LAMA2: variants seen among roughly 807,000 people sequenced by gnomAD.
The protein encoded by LAMA2 is laminin subunit alpha 2, also known as laminin subunit alpha-2.
A neutral mutation model predicts 364.8 loss-of-function variants in LAMA2; 269 were observed. That is an observed-to-expected ratio of 0.74 (90% CI 0.67 to 0.82). The LOEUF is 0.82. LAMA2 is among the 40% of genes least tolerant of loss of function. The pLI is 0.00. For synonymous variants in LAMA2, 1,379 were observed against 1,370.6 expected (o/e 1.01, Z -0.14); for missense variants, 3,807 against 3,873.2 (o/e 0.98, Z 0.45).
chr6:129,494,171 A>G (rs981866608), intron 58 of LAMA2, among the ~76,000 whole-genome samples: 8 of 152,244 alleles, frequency 5.3e-5, no homozygotes, highest in African/African-American at 1.9e-4. Flanking sequence ...TGTTGTGGTT[A>G]TATTCCATAC....
At chr6:128,948,131 A>G (rs1370439483) in intron 1 of LAMA2, among the ~76,000 whole-genome samples, 1 of 152,048 alleles carries the variant, frequency 6.6e-6, no homozygotes, top group African/African-American at 2.4e-5. Context: ...GAAATTGACA[A>G]TGGGATAGGG....
At chr6:129,180,896 A>G (rs1780884942) in intron 10 of LAMA2, among the ~76,000 whole-genome samples, 1 of 152,020 alleles carries the variant, frequency 6.6e-6, no homozygotes, top group Non-Finnish European at 1.5e-5. Flanking sequence ...TGGAGTTTTA[A>G]TGCCCTCACT....
chr6:129,287,960 G>C lies in LAMA2; in HGVS notation c.2651G>C (p.Gly884Ala). 1 of 1,614,046 alleles carries C rather than the reference G, an allele frequency of 6.2e-7. No individual in the cohort carries two copies. Among genetic ancestry groups the C allele is most frequent in the Non-Finnish European group, 8.5e-7 (1 of 1,179,946 alleles). The change falls in exon 19 of 65, where the codon GGC (glycine) becomes GCC (alanine). Residue 884 changes from glycine to alanine, a missense_variant. Transcript: ENST00000421865. Reference sequence around the variant, plus strand: ...CCTGGCAGCTGTGACAGCTTGTCTGGCTCCTGTCTGATATGTAAACCAGGT... The same window carrying C: ...CCTGGCAGCTGTGACAGCTTGTCTGCCTCCTGTCTGATATGTAAACCAGGT... Reference protein sequence around the residue: ...SIPGSCDSLSGSCLICKPGTT... With the variant: ...SIPGSCDSLSASCLICKPGTT...
intron 12 of LAMA2, among the ~76,000 whole-genome samples, chr6:129,242,592 T>C (rs560696657): frequency 6.6e-6 from 1 of 152,280 alleles, no homozygotes; most frequent in South Asian, 2.1e-4. Flanking sequence ...ATTAGATCAA[T>C]GTTTAATTAT....
chr6:128,993,260 A>G (rs977061874), intron 1 of LAMA2, among the ~76,000 whole-genome samples: 1 of 152,234 alleles, frequency 6.6e-6, no homozygotes, highest in Non-Finnish European at 1.5e-5. Flanking sequence ...ACCAGCAGAA[A>G]GTGGAAAAAT....
intron 34 of LAMA2, among the ~76,000 whole-genome samples, chr6:129,380,440 A>T (rs1778616184): frequency 6.6e-6 from 1 of 152,098 alleles, no homozygotes; most frequent in African/African-American, 2.4e-5. Context: ...CCAAGTTCTC[A>T]CCCCCTTAGA....
intron 10 of LAMA2, among the ~76,000 whole-genome samples, 197 bp downstream of exon 10, chr6:129,178,063 C>T (rs944944613): frequency 2.0e-5 from 3 of 152,100 alleles, no homozygotes; most frequent in African/African-American, 4.8e-5. Flanking sequence ...TACAAATGCA[C>T]GGAGGATAAA....
intron 41 of LAMA2, among the ~76,000 whole-genome samples, chr6:129,430,692 C>T (rs1254590356): frequency 6.6e-6 from 1 of 152,088 alleles, no homozygotes; most frequent in East Asian, 1.9e-4. Context: ...AGGCCGGGCG[C>T]AGTGGCTCAT....
At chr6:129,124,734 G>A (rs563500753) in intron 4 of LAMA2, among the ~76,000 whole-genome samples, 100 of 152,170 alleles carry the variant, frequency 6.6e-4, no homozygotes, top group African/African-American at 2.2e-3. Flanking sequence ...TATATTTACC[G>A]CATACAGTTC....
At chr6:129,015,367 A>G (rs1410302646) in intron 1 of LAMA2, among the ~76,000 whole-genome samples, 4 of 152,110 alleles carry the variant, frequency 2.6e-5, no homozygotes, top group Admixed American at 6.5e-5. Context: ...TTAGAACCCC[A>G]TAAGACAGGA....
intron 41 of LAMA2, among the ~76,000 whole-genome samples, chr6:129,435,817 C>A (rs760362500): frequency 1.3e-5 from 2 of 152,216 alleles, no homozygotes; most frequent in Non-Finnish European, 2.9e-5. Context: ...AATCCTCCAT[C>A]TATCCACCTT....
chr6:129,184,017 A>AG (rs752497536), intron 10 of LAMA2, among the ~76,000 whole-genome samples: 2 of 151,980 alleles, frequency 1.3e-5, no homozygotes, highest in Non-Finnish European at 2.9e-5. Context: ...GCCTCTCAGT[A>AG]GGTATAATTA....
At chr6:129,230,477 T>C (rs1009894117) in intron 12 of LAMA2, among the ~76,000 whole-genome samples, 9 of 152,074 alleles carry the variant, frequency 5.9e-5, no homozygotes, top group Non-Finnish European at 1.2e-4. Context: ...TTTTATGGGA[T>C]GTGGAATGGT....
intron 1 of LAMA2, among the ~76,000 whole-genome samples, chr6:128,931,619 A>G (rs1779483924): frequency 1.3e-5 from 2 of 152,232 alleles, no homozygotes; most frequent in Admixed American, 6.5e-5. Context: ...AGTACATATC[A>G]AAGGGTGAAC....
chr6:129,413,769 C>G (rs538016067), intron 40 of LAMA2, among the ~76,000 whole-genome samples: 21 of 151,872 alleles, frequency 1.4e-4, no homozygotes, highest in Non-Finnish European at 2.8e-4. Context: ...TAAAGTGGTA[C>G]CAACAGGAAA....
At position 129,514,480 on chromosome 6, in the gene LAMA2, G is replaced by A. The variant is rs755664199; in HGVS notation, c.9096G>A (p.Lys3032=). The A allele has an allele frequency of 1.7e-5, 28 of 1,613,962 alleles. No individual in the cohort carries two copies. The highest frequency in any genetic ancestry group is 2.2e-5 in the South Asian group (2 of 91,090). Residue 3032 remains lysine (K), a synonymous_variant, in exon 64 of 65, where the codon AAG becomes AAA. Transcript: ENST00000421865. ...DGQWHKVTAN[K]IKHRIELTVD... is the part of the protein sequence containing the mutation. ...AATGGCATAAAGTCACTGCCAACAA[G>A]ATCAAACACCGCATTGAGCTCACAG...
chr6:129,324,279 A>G (rs1168225224), intron 28 of LAMA2, among the ~76,000 whole-genome samples: 1 of 152,240 alleles, frequency 6.6e-6, no homozygotes, highest in Admixed American at 6.5e-5. Flanking sequence ...AACATGCTTT[A>G]TCTCAAGTAA....
rs576575833 is a variant in LAMA2 at position 129,104,212 on chromosome 6, G to A, written c.639+5797G>A. Among the ~76,000 whole-genome samples, 8 of 152,088 alleles carry A rather than the reference G, an allele frequency of 5.3e-5. No homozygotes were observed. The East Asian group carries it at 1.2e-3, about 22-fold the overall frequency. ...AGGGTCTTGCTATGTTGCCCAGGCCGTTCTCAAACTCCTGGCCTCAAGTGA... is the reference window on the plus strand; with the variant it reads ...AGGGTCTTGCTATGTTGCCCAGGCCATTCTCAAACTCCTGGCCTCAAGTGA... On this transcript the variant is annotated intron_variant, in intron 4 of 64. Coordinates refer to ENST00000421865, the MANE Select transcript of LAMA2 (RefSeq NM_000426.4).
At chr6:129,177,075 T>A (rs534291421) in intron 9 of LAMA2, among the ~76,000 whole-genome samples, 1 of 152,326 alleles carries the variant, frequency 6.6e-6, no homozygotes, top group Admixed American at 6.5e-5. Flanking sequence ...ATTATTTCTA[T>A]TTTTTAATCA....
Sources: allele counts gnomAD v4.1 joint callset (sites outside exome capture counted in the v4.1 genomes callset), GRCh38; gene constraint gnomAD v4.1.1; transcripts MANE v1.5; gene names NCBI Gene and HGNC (gene_info 2026-07-23, HGNC 2026-07-21).